Variants in ENO2 observed in about 807,000 individuals in gnomAD.
ENO2 encodes gamma-enolase.
A neutral mutation model predicts 48.7 loss-of-function variants in ENO2; 19 were observed. The ratio of observed to expected loss-of-function variants is 0.39; its 90% CI spans 0.27 to 0.57. The LOEUF is 0.57. Ranked by LOEUF, ENO2 falls within the 20% of genes least tolerant of loss-of-function variation. The pLI, the probability that ENO2 is intolerant of heterozygous loss-of-function variation, is 0.58. For synonymous variants in ENO2, 198 were observed against 213.4 expected, an observed-to-expected ratio of 0.93 and a Z score of 0.63; for missense variants, 416 against 555.0, an observed-to-expected ratio of 0.75 and a Z score of 2.52.
Position 6,916,693 on chromosome 12 carries a change from C to T in ENO2, c.204C>T (p.His68=). 6.2e-7 allele frequency: 1 copy of T among 1,614,188 alleles called. No homozygotes were observed. Among genetic ancestry groups the T allele is most frequent in the Non-Finnish European group, 8.5e-7 (1 of 1,180,024 alleles). Residue 68 remains histidine (H), a synonymous_variant, in exon 4 of 12, where the codon CAC becomes CAT. Transcript: ENST00000229277. This position sits in a 1 kb window ranked among gnomAD's most constrained non-coding sequence, Gnocchi z 4.5. ...CAGGTGTCCTGAAGGCAGTGGACCA[C>T]ATCAACTCCACCATCGCGCCAGCCC... ...LGKGVLKAVD[H]INSTIAPALI...
At chr12:6,919,867 C>A in intron 8 of ENO2, 104 bp downstream of exon 8, 1 of 1,264,396 alleles carries the variant, frequency 7.9e-7, no homozygotes, top group Admixed American at 2.2e-5. Flanking sequence ...GTGGGGGTGT[C>A]CTAAGAAGAA....
chr12:6,922,638 T>A lies in ENO2; in HGVS notation c.1236-93T>A, dbSNP rs1203853653. 1.6e-5 allele frequency: 23 copies of A among 1,446,876 alleles called. No homozygotes were observed. The highest frequency in any genetic ancestry group is 1.9e-5 in the Non-Finnish European group (20 of 1,032,318). The allele number at this position is 1,446,876 out of a possible 1,614,324, so 89.6% of individuals were successfully genotyped here. ...TGGGGCAGGACACAAAAGCAGGTGG[T>A]GTGGGGGTGGTTGGAGTCTGGGGGA... is the stretch of plus-strand genomic sequence containing the variant. On this transcript the variant is annotated intron_variant, in intron 11 of 11. Coordinates refer to ENST00000229277, the MANE Select transcript of ENO2 (RefSeq NM_001975.3). The surrounding 1 kb of genome is among the most constrained non-coding windows in gnomAD (Gnocchi z 5.3).
intron 7 of ENO2, among the ~76,000 whole-genome samples, chr12:6,918,412 T>G (rs1193335696): frequency 1.3e-5 from 2 of 150,852 alleles, no homozygotes; most frequent in African/African-American, 4.9e-5. Flanking sequence ...GTGCAGTGGC[T>G]CGATCTCAGC....
rs374159915 is a variant in ENO2 at position 6,922,102 on chromosome 12, C to G, written c.1114C>G (p.Arg372Gly). The G allele has an allele frequency of 2.5e-6, 4 of 1,614,138 alleles. No homozygotes were observed. The highest frequency in any genetic ancestry group is 3.4e-6 in the Non-Finnish European group (4 of 1,180,028). The change falls in exon 10 of 12, where the codon CGC becomes GGC. Residue 372 changes from arginine to glycine, a missense_variant. Arg to Gly is a moderately radical substitution (Grantham distance 125). Coordinates refer to ENST00000229277, the MANE Select transcript of ENO2 (RefSeq NM_001975.3). The surrounding 1 kb of genome is among the most constrained non-coding windows in gnomAD (Gnocchi z 5.3). ...ENGWGVMVSH[R>G]SGETEDTFIA... is the part of the protein sequence containing the mutation. ...TGGCTGGGGGGTCATGGTGAGTCATCGCTCAGGAGAGACTGAGGACACATT... is the reference window on the plus strand; with the variant it reads ...TGGCTGGGGGGTCATGGTGAGTCATGGCTCAGGAGAGACTGAGGACACATT...
At chr12:6,921,537 G>C (rs781790786) in intron 8 of ENO2, 44 bp from the exon 9 acceptor site, 246 of 1,601,606 alleles carry the variant, frequency 1.5e-4, no homozygotes, top group Non-Finnish European at 2.0e-4. Flanking sequence ...AGAGACCCAG[G>C]GAAGATGAAC....
In ENO2 at chr12:6,921,121, G is replaced by A. The variant is rs114311977; in HGVS notation, c.866-460G>A. 6.9e-3 allele frequency among the ~76,000 whole-genome samples: 1,047 copies of A among 152,338 alleles called. 13 individuals are homozygous for A. The highest frequency in any genetic ancestry group is 0.023 in the African/African-American group (968 of 41,586). ...ATGAAATAAGAATCAGGAGCCAGGC[G>A]TGGTGGCTCATGCCTGTAATCCCAT... On this transcript the variant is annotated intron_variant, in intron 8 of 11. Coordinates refer to ENST00000229277, the MANE Select transcript of ENO2 (RefSeq NM_001975.3).
chr12:6,922,715 G>A lies in ENO2; in HGVS notation c.1236-16G>A, dbSNP rs1349033319. 1.2e-6 allele frequency: 2 copies of A among 1,613,940 alleles called. No individual in the cohort carries two copies. Among genetic ancestry groups the A allele is most frequent in the African/African-American group, 1.3e-5 (1 of 74,894 alleles). On this transcript the variant is annotated splice_polypyrimidine_tract_variant and intron_variant, in intron 11 of 11. Transcript: ENST00000229277. The surrounding 1 kb of genome is among the most constrained non-coding windows in gnomAD (Gnocchi z 5.3). The stretch of plus-strand genomic sequence containing the variant: ...CTGCATCCCTGACCACTTCCTTTGT[G>A]GTTCATCTCTCTCAGAATTGAGGAA...
chr12:6,922,450 C>T lies in ENO2; in HGVS notation c.1235+48C>T. 1 of 1,609,966 alleles carries T rather than the reference C, an allele frequency of 6.2e-7. No homozygotes were observed. Among genetic ancestry groups the T allele is most frequent in the Non-Finnish European group, 8.5e-7 (1 of 1,176,600 alleles). On this transcript the variant is annotated intron_variant, in intron 11 of 11. Transcript: ENST00000229277. The surrounding 1 kb of genome is among the most constrained non-coding windows in gnomAD (Gnocchi z 5.3). The stretch of plus-strand genomic sequence containing the variant: ...CCCCTGGCCCAGATGGCTAAAGGCC[C>T]CATTTGCCTGCCAGACCATCTGTAG...
At chr12:6,917,489 T>TTA (rs1420670628) in intron 5 of ENO2, 92 bp from the exon 6 acceptor site, 167 of 1,521,882 alleles carry the variant, frequency 1.1e-4, no homozygotes, top group Middle Eastern at 7.6e-4. Flanking sequence ...GGGGTCTCCT[T>TTA]TACTGGCTCC....
chr12:6,922,469 T>C lies in ENO2; in HGVS notation c.1235+67T>C. The C allele has an allele frequency of 6.3e-7, 1 of 1,587,278 alleles. No individual in the cohort carries two copies. The highest frequency in any genetic ancestry group is 8.6e-7 in the Non-Finnish European group (1 of 1,156,386). On this transcript the variant is annotated intron_variant, in intron 11 of 11. Coordinates refer to ENST00000229277, the MANE Select transcript of ENO2 (RefSeq NM_001975.3). This position sits in a 1 kb window ranked among gnomAD's most constrained non-coding sequence, Gnocchi z 5.3. ...AAGGCCCCATTTGCCTGCCAGACCATCTGTAGCACCAAGGGCCTGGATAAC... is the reference window on the plus strand; with the variant it reads ...AAGGCCCCATTTGCCTGCCAGACCACCTGTAGCACCAAGGGCCTGGATAAC...
chr12:6,923,183 G>T lies in ENO2; in HGVS notation c.*383G>T, dbSNP rs1290282262. ...CATGTGTCACTTGTGCTTTGCTCTT[G>T]TCCCACGTGTCTTCCACTTTGCATA... On this transcript the variant is annotated 3_prime_UTR_variant, in exon 12 of 12. Transcript: ENST00000229277. 1 of 249,772 alleles carries T rather than the reference G, an allele frequency of 4.0e-6. No homozygotes were observed. The highest frequency in any genetic ancestry group is 8.1e-6 in the Non-Finnish European group (1 of 123,710). 15.5% of individuals were successfully genotyped at this position (249,772 alleles called of 1,614,324 possible).
At chr12:6,917,332 T>TGAGA in intron 5 of ENO2, 2 of 704,878 alleles carry the variant, frequency 2.8e-6, no homozygotes, top group East Asian at 5.4e-5. Context: ...GGGGATGGCC[T>TGAGA]GAGAGAGTCT....
Position 6,922,890 on chromosome 12 carries a change from C to T in ENO2, c.*90C>T. The T allele has an allele frequency of 6.8e-7, 1 of 1,481,102 alleles. No individual in the cohort carries two copies. Among genetic ancestry groups the T allele is most frequent in the Non-Finnish European group, 9.4e-7 (1 of 1,067,152 alleles). The allele number at this position is 1,481,102 out of a possible 1,614,324, so 91.7% of individuals were successfully genotyped here. ...CTGTGATAGTTCACCCCCTGAGATCCCCTGAGCCCCAGGGTGCCCAGAACT... is the reference window on the plus strand; with the variant it reads ...CTGTGATAGTTCACCCCCTGAGATCTCCTGAGCCCCAGGGTGCCCAGAACT... On this transcript the variant is annotated 3_prime_UTR_variant, in exon 12 of 12. Coordinates refer to ENST00000229277, the MANE Select transcript of ENO2 (RefSeq NM_001975.3). The surrounding 1 kb of genome is among the most constrained non-coding windows in gnomAD (Gnocchi z 5.3).
Position 6,922,700 on chromosome 12 carries a change from G to C in ENO2, c.1236-31G>C. 1 of 1,613,420 alleles carries C rather than the reference G, an allele frequency of 6.2e-7. No homozygotes were observed. Among genetic ancestry groups the C allele is most frequent in the Non-Finnish European group, 8.5e-7 (1 of 1,179,424 alleles). On this transcript the variant is annotated intron_variant, in intron 11 of 11. Coordinates refer to ENST00000229277, the MANE Select transcript of ENO2 (RefSeq NM_001975.3). This position sits in a 1 kb window ranked among gnomAD's most constrained non-coding sequence, Gnocchi z 5.3. ...AGAAGCAGGATCCTCCTGCATCCCT[G>C]ACCACTTCCTTTGTGGTTCATCTCT...
In ENO2 at chr12:6,923,333, T is replaced by C. The variant is rs782637970; in HGVS notation, c.*533T>C. The C allele has an allele frequency of 6.6e-6, 1 of 152,388 alleles. No individual in the cohort carries two copies. The highest frequency in any genetic ancestry group is 2.4e-5 in the African/African-American group (1 of 41,538). 9.4% of individuals were successfully genotyped at this position (152,388 alleles called of 1,614,324 possible). ...TTTATTTGTTTTTCATTCATCCCAT[T>C]AATCATTTCCCCATAACTCAATGGC... is the stretch of plus-strand genomic sequence containing the variant. On this transcript the variant is annotated 3_prime_UTR_variant, in exon 12 of 12. Transcript: ENST00000229277.
In ENO2 at chr12:6,915,893, G is replaced by C. The variant is rs782070766; in HGVS notation, c.61G>C (p.Glu21Gln). The C allele has an allele frequency of 1.2e-6, 2 of 1,613,994 alleles. No individual in the cohort carries two copies. Among genetic ancestry groups the C allele is most frequent in the Non-Finnish European group, 1.7e-6 (2 of 1,179,996 alleles). Residue 21 changes from glutamate to glutamine, a missense_variant, in exon 2 of 12, where the codon GAG (glutamate) becomes CAG (glutamine). Transcript: ENST00000229277. ...GGACTCCCGCGGGAACCCCACAGTG[G>C]AGGTGGATCTCTATACTGCCAAAGG... ...ILDSRGNPTV[E>Q]VDLYTAKGLF...
intron 9 of ENO2, 57 bp from the exon 10 acceptor site, chr12:6,921,999 C>T (rs1404105312): frequency 6.2e-7 from 1 of 1,604,688 alleles, no homozygotes; most frequent in South Asian, 1.1e-5. Context: ...AAGGTTGGGG[C>T]TGGGAAGAGA....
chr12:6,921,424 C>A, intron 8 of ENO2, 157 bp from the exon 9 acceptor site: 1 of 689,218 alleles, frequency 1.5e-6, no homozygotes, highest in Non-Finnish European at 2.4e-6. Flanking sequence ...TCAGTTAGGG[C>A]AGGCTTACAC....
intron 9 of ENO2, 84 bp downstream of exon 9, chr12:6,921,866 G>A: frequency 6.4e-7 from 1 of 1,564,956 alleles, no homozygotes; most frequent in Non-Finnish European, 8.7e-7. Flanking sequence ...TTCTACCCAG[G>A]GGTGCCAAAG....
Sources: gnomAD v4.1 joint callset for allele counts (sites outside exome capture counted in the v4.1 genomes callset) on GRCh38, gnomAD v4.1.1 for gene constraint, Gnocchi (gnomAD v3.1) non-coding constraint, MANE v1.5 for transcripts, NCBI Gene and HGNC (gene_info 2026-07-23, HGNC 2026-07-21) for gene names.